Variants in CDYL2 observed in about 807,000 individuals in gnomAD.
CDYL2 encodes chromodomain Y-like protein 2.
Under a neutral mutation model 49.4 loss-of-function variants are expected in CDYL2, and 23 were observed. The ratio of observed to expected loss-of-function variants is 0.47; its 90% CI spans 0.34 to 0.66. The LOEUF is 0.66. Ranked by LOEUF, CDYL2 falls within the 30% of genes least tolerant of loss-of-function variation. CDYL2 has a pLI of 0.01. For synonymous variants in CDYL2, 360 were observed against 268.8 expected, an observed-to-expected ratio of 1.34 and a Z score of -3.32; for missense variants, 678 against 656.4, an observed-to-expected ratio of 1.03 and a Z score of -0.36.
At position 80,614,869 on chromosome 16, in the gene CDYL2, GAAA is replaced by G. The variant is rs57112645; in HGVS notation, c.1008-2036_1008-2034del. Among the ~76,000 whole-genome samples, 626 of 71,352 alleles carry G rather than the reference GAAA, an allele frequency of 8.8e-3. 3 individuals are homozygous for G. Among genetic ancestry groups the G allele is most frequent in the African/African-American group, 0.022 (574 of 26,064 alleles). 46.8% of individuals were successfully genotyped at this position (71,352 alleles called of 152,430 possible). A position where few individuals can be genotyped will look rare whatever the true frequency, so the allele number is the denominator to read the frequency against. ...ACAGAGTGAGACTCTGTCTCAGGGAGAAAAAAAAAAAAAAAAAAAAAAGTTGAG... is the reference window on the plus strand; with the variant it reads ...ACAGAGTGAGACTCTGTCTCAGGGAGAAAAAAAAAAAAAAAAAAAGTTGAG... On this transcript the variant is annotated intron_variant, in intron 4 of 6. Coordinates refer to ENST00000570137, the MANE Select transcript of CDYL2 (RefSeq NM_152342.4).
intron 1 of CDYL2, among the ~76,000 whole-genome samples, chr16:80,734,280 A>G (rs142662271): frequency 4.6e-5 from 7 of 152,332 alleles, no homozygotes; most frequent in Non-Finnish European, 1.0e-4. Flanking sequence ...ATTTCAAGTT[A>G]GAACCATGGT....
At chr16:80,736,370 G>T (rs1043647267) in intron 1 of CDYL2, 3 of 152,224 alleles carry the variant, frequency 2.0e-5, no homozygotes, top group Admixed American at 6.5e-5. Flanking sequence ...CCAACACACA[G>T]CATTCAACAG....
chr16:80,721,209 T>G (rs1293341389), intron 1 of CDYL2, among the ~76,000 whole-genome samples: 2 of 149,804 alleles, frequency 1.3e-5, no homozygotes, highest in African/African-American at 2.4e-5. Context: ...ATGTGCTAGC[T>G]GTTTGCTGTC....
At chr16:80,610,281 C>T (rs550416358) in intron 5 of CDYL2, among the ~76,000 whole-genome samples, 1 of 152,140 alleles carries the variant, frequency 6.6e-6, no homozygotes, top group Admixed American at 6.5e-5. Context: ...TGTAAAAGCA[C>T]CTGCCCTTCC....
At chr16:80,709,369 G>C (rs140942055) in intron 1 of CDYL2, among the ~76,000 whole-genome samples, 1 of 138,546 alleles carries the variant, frequency 7.2e-6, no homozygotes, top group African/African-American at 3.0e-5. Flanking sequence ...GCAACATAGC[G>C]AGACTCCATT....
At position 80,632,830 on chromosome 16, in the gene CDYL2, C is replaced by T. The variant is rs9921314; in HGVS notation, c.834+189G>A. The stretch of plus-strand genomic sequence containing the variant: ...CATAAGATGAGAGGGTATCATTACA[C>T]GGTCATAAAGATCAAATGGGATAAT... On this transcript the variant is annotated intron_variant, in intron 3 of 6. Transcript: ENST00000570137. The T allele has an allele frequency of 0.024, 13,628 of 576,314 alleles. 1,074 individuals carry two copies. The highest frequency in any genetic ancestry group is 0.2 in the African/African-American group (10,462 of 53,274). The allele number at this position is 576,314 out of a possible 1,614,324, so 35.7% of individuals were successfully genotyped here.
chr16:80,768,067 T>A (rs915118269), intron 1 of CDYL2, among the ~76,000 whole-genome samples: 11 of 152,132 alleles, frequency 7.2e-5, no homozygotes, highest in Admixed American at 3.3e-4. Context: ...ACACCAGGAT[T>A]CTAAAAGGCA....
chr16:80,718,190 T>C (rs1280115372), intron 1 of CDYL2, among the ~76,000 whole-genome samples: 8 of 152,346 alleles, frequency 5.3e-5, no homozygotes, highest in African/African-American at 9.6e-5. Flanking sequence ...CCAGGCTGCA[T>C]AGGGAGTGAG....
chr16:80,643,101 A>AG (rs879828229), intron 2 of CDYL2, among the ~76,000 whole-genome samples: 6 of 152,316 alleles, frequency 3.9e-5, no homozygotes, highest in Admixed American at 2.0e-4. Flanking sequence ...CCCAGACACA[A>AG]GGGGGGTACA....
intron 1 of CDYL2, among the ~76,000 whole-genome samples, chr16:80,786,442 A>T (rs1907438593): frequency 1.3e-5 from 2 of 152,340 alleles, no homozygotes; most frequent in Admixed American, 1.3e-4. Flanking sequence ...TAGAATGTTG[A>T]TCATTCAGAA....
intron 2 of CDYL2, among the ~76,000 whole-genome samples, chr16:80,672,912 C>T (rs566516999): frequency 9.2e-5 from 14 of 152,330 alleles, no homozygotes; most frequent in African/African-American, 2.9e-4. Context: ...GGAAGGCTCA[C>T]GCTGGCTTGT....
chr16:80,607,392 A>C (rs975728371), intron 6 of CDYL2, among the ~76,000 whole-genome samples: 1 of 152,134 alleles, frequency 6.6e-6, no homozygotes, highest in Non-Finnish European at 1.5e-5. Context: ...CTGGCCCCAA[A>C]AATGCACGCA....
chr16:80,725,748 C>A (rs1411809120), intron 1 of CDYL2, among the ~76,000 whole-genome samples: 1 of 152,228 alleles, frequency 6.6e-6, no homozygotes, highest in African/African-American at 2.4e-5. Context: ...GCCAGCCAAC[C>A]ACAGTGTGAG....
intron 2 of CDYL2, among the ~76,000 whole-genome samples, chr16:80,649,545 C>A (rs535992852): frequency 1.3e-5 from 2 of 152,042 alleles, no homozygotes; most frequent in Non-Finnish European, 2.9e-5. Context: ...GCCATACTAC[C>A]CAAAGTAATC....
chr16:80,767,293 T>C (rs12447634), intron 1 of CDYL2, among the ~76,000 whole-genome samples: 177 of 152,308 alleles, frequency 1.2e-3, no homozygotes, highest in Non-Finnish European at 2.0e-3. Flanking sequence ...AAAGAAAAGT[T>C]CTCTGAAAAT....
chr16:80,644,692 A>T lies in CDYL2; in HGVS notation c.617-11456T>A, dbSNP rs528068864. Among the ~76,000 whole-genome samples, 16 of 152,356 alleles carry T rather than the reference A, an allele frequency of 1.1e-4. No homozygotes were observed. The South Asian group carries it at 3.3e-3, about 32-fold the overall frequency. ...GATACTTATTCACTACCATGAGAAC[A>T]GTATGGGGGAAACTGCCCCCATGAT... On this transcript the variant is annotated intron_variant, in intron 2 of 6. Coordinates refer to ENST00000570137, the MANE Select transcript of CDYL2 (RefSeq NM_152342.4).
At chr16:80,608,284 T>G (rs756806712) in intron 5 of CDYL2, 49 bp from the exon 6 acceptor site, 1 of 1,510,014 alleles carries the variant, frequency 6.6e-7, no homozygotes, top group East Asian at 2.5e-5. Context: ...GGTCCACCCA[T>G]GTCCCTCAGC....
intron 1 of CDYL2, among the ~76,000 whole-genome samples, chr16:80,696,365 G>C (rs958856787): frequency 6.6e-6 from 1 of 151,592 alleles, no homozygotes; most frequent in Non-Finnish European, 1.5e-5. Context: ...GAACTCAATA[G>C]ACAAAAAGAA....
At chr16:80,731,363 C>G (rs1472283304) in intron 1 of CDYL2, among the ~76,000 whole-genome samples, 2 of 151,814 alleles carry the variant, frequency 1.3e-5, no homozygotes, top group Admixed American at 6.6e-5. Flanking sequence ...TTTAGAGGAC[C>G]AAGAAATCCA....
Sources: allele counts gnomAD v4.1 joint callset (sites outside exome capture counted in the v4.1 genomes callset), GRCh38; gene constraint gnomAD v4.1.1; transcripts MANE v1.5; gene names NCBI Gene and HGNC (gene_info 2026-07-23, HGNC 2026-07-21).